The following PPARGC1B variants were observed in gnomAD, a reference collection of about 807,000 sequenced individuals.
PPARGC1B encodes the protein peroxisome proliferator-activated receptor gamma coactivator 1-beta.
Under a neutral mutation model 101.6 loss-of-function variants are expected in PPARGC1B, and 34 were observed. The observed-to-expected ratio is 0.33, with a 90% CI of 0.25 to 0.45. The LOEUF is 0.45. Ranked by LOEUF, PPARGC1B falls within the 20% of genes least tolerant of loss-of-function variation. PPARGC1B has a pLI of 1.00. For missense variants in PPARGC1B, 1,234 were observed against 1,317.6 expected, an observed-to-expected ratio of 0.94 and a Z score of 0.98; for synonymous variants, 548 against 539.3, an observed-to-expected ratio of 1.02 and a Z score of -0.22.
rs1210346207 is a variant in PPARGC1B at position 149,730,390 on chromosome 5, C to T, written c.48C>T (p.Ser16=). The T allele has an allele frequency of 1.3e-6, 2 of 1,574,680 alleles. No individual in the cohort carries two copies. Among genetic ancestry groups the T allele is most frequent in the Admixed American group, 1.8e-5 (1 of 55,510 alleles). Residue 16 remains serine, a synonymous_variant, in exon 1 of 12, where the codon TCC becomes TCT. Coordinates refer to ENST00000309241, the MANE Select transcript of PPARGC1B (RefSeq NM_133263.4). The surrounding 1 kb of genome is among the most constrained non-coding windows in gnomAD (Gnocchi z 4.0). ...CGCTGCTGGACGAAGAGCTCTCCTC[C>T]TTCTTCCTCAACTATCTCGCTGACA... is the stretch of plus-strand genomic sequence containing the variant. ...CGALLDEELS[S]FFLNYLADTQ...
In PPARGC1B at chr5:149,826,835, G is replaced by C. The variant is rs1162920062; in HGVS notation, c.415G>C (p.Ala139Pro). 9 of 1,613,704 alleles carry C rather than the reference G, an allele frequency of 5.6e-6. No individual in the cohort carries two copies. The Admixed American group carries it at 1.5e-4, about 27-fold the overall frequency. The change falls in exon 3 of 12, where the codon GCC becomes CCC. Residue 139 changes from alanine (A) to proline (P), a missense_variant. This residue lies in a region of PPARGC1B where 734 missense variants were observed against 768.4 expected (regional missense o/e 0.96). Transcript: ENST00000309241. Reference protein sequence around the residue: ...PAPSSAPPSPAPEKPSAPAPE... With the variant: ...PAPSSAPPSPPPEKPSAPAPE... ...CCCCTCATCTGCACCCCCCAGCCCT[G>C]CCCCGGAGAAGCCCTCGGCCCCAGC... is the stretch of plus-strand genomic sequence containing the variant.
chr5:149,754,542 A>C (rs775202403), intron 1 of PPARGC1B, among the ~76,000 whole-genome samples: 3 of 152,224 alleles, frequency 2.0e-5, no homozygotes, highest in Non-Finnish European at 4.4e-5. Context: ...GTCACAATAT[A>C]ATATCACATT....
At position 149,794,309 on chromosome 5, in the gene PPARGC1B, A is replaced by G. The variant is rs149104392; in HGVS notation, c.79-26124A>G. Reference sequence around the variant, plus strand: ...TTTCAGATTGTCTGGATTTCATAAAATTAGCAAGTGTTAAGGCCAAGACAA... The same window carrying G: ...TTTCAGATTGTCTGGATTTCATAAAGTTAGCAAGTGTTAAGGCCAAGACAA... On this transcript the variant is annotated intron_variant, in intron 1 of 11. Coordinates refer to ENST00000309241, the MANE Select transcript of PPARGC1B (RefSeq NM_133263.4). 6.3e-3 allele frequency among the ~76,000 whole-genome samples: 965 copies of G among 152,314 alleles called. 11 individuals carry two copies. Among genetic ancestry groups the G allele is most frequent in the African/African-American group, 0.022 (914 of 41,558 alleles).
At position 149,820,612 on chromosome 5, in the gene PPARGC1B, C is replaced by T. The variant is rs751130227; in HGVS notation, c.252+6C>T. 1 of 1,603,600 alleles carries T rather than the reference C, an allele frequency of 6.2e-7. No individual in the cohort carries two copies. Among genetic ancestry groups the T allele is most frequent in the Admixed American group, 1.7e-5 (1 of 59,898 alleles). On this transcript the variant is annotated splice_donor_region_variant and intron_variant, in intron 2 of 11. Coordinates refer to ENST00000309241, the MANE Select transcript of PPARGC1B (RefSeq NM_133263.4). ...ATGACTCCGAGCTCTTCCAGGTATG[C>T]CCTTTCCAGTCTCCCCTCCTCCCAC...
At chr5:149,766,189 TTTATGA>T (rs1236296471) in intron 1 of PPARGC1B, among the ~76,000 whole-genome samples, 108 of 152,350 alleles carry the variant, frequency 7.1e-4, no homozygotes, top group African/African-American at 1.0e-3. Context: ...TGTTTTTAAA[TTTATGA>T]TTATGATTAT....
At chr5:149,817,791 T>A in intron 1 of PPARGC1B, 3 of 456,772 alleles carry the variant, frequency 6.6e-6, no homozygotes, top group South Asian at 4.6e-5. Context: ...GAGTGTTCTC[T>A]CATTGTGGAA....
At chr5:149,841,381 G>C (rs1020940591) in intron 9 of PPARGC1B, among the ~76,000 whole-genome samples, 2 of 152,168 alleles carry the variant, frequency 1.3e-5, no homozygotes, top group Non-Finnish European at 2.9e-5. Context: ...CTTGGACATC[G>C]TATGTTGTGG....
intron 3 of PPARGC1B, among the ~76,000 whole-genome samples, chr5:149,830,030 C>CAAAAAAAAAAAAAAAAAAAAA (rs60711433): frequency 1.2e-4 from 4 of 34,268 alleles, no homozygotes; most frequent in African/African-American, 1.8e-4. Flanking sequence ...GACTGCATCT[C>CAAAAAAAAAAAAAAAAAAAAA]AAAAAAAAAA....
At chr5:149,800,205 A>T (rs1757385800) in intron 1 of PPARGC1B, among the ~76,000 whole-genome samples, 1 of 152,060 alleles carries the variant, frequency 6.6e-6, no homozygotes, top group African/African-American at 2.4e-5. Context: ...GTACCTATCT[A>T]TGCATCATAA....
At chr5:149,757,607 G>T (rs1327384931) in intron 1 of PPARGC1B, among the ~76,000 whole-genome samples, 1 of 152,216 alleles carries the variant, frequency 6.6e-6, no homozygotes, top group East Asian at 1.9e-4. Flanking sequence ...CCAGCTAATA[G>T]TGTCAGCGTC....
In PPARGC1B at chr5:149,839,917, T is replaced by TC. The variant is rs1418898256; in HGVS notation, c.2619-122dup. 18 of 963,480 alleles carry TC rather than the reference T, an allele frequency of 1.9e-5. No homozygotes were observed. The Admixed American group carries it at 3.4e-4, about 18-fold the overall frequency. 59.7% of individuals were successfully genotyped at this position (963,480 alleles called of 1,614,324 possible). ...AAGCTAGGTTTCTGCGGGAGGCAGT[T>TC]CCAGCTGTGTGCCCTCGTGAACAAA... On this transcript the variant is annotated intron_variant, in intron 8 of 11. Transcript: ENST00000309241.
intron 1 of PPARGC1B, among the ~76,000 whole-genome samples, chr5:149,779,855 G>A (rs1756529436): frequency 6.6e-6 from 1 of 152,202 alleles, no homozygotes; most frequent in African/African-American, 2.4e-5. Flanking sequence ...GGGATGCAGG[G>A]AGAGGCTTAG....
intron 1 of PPARGC1B, among the ~76,000 whole-genome samples, chr5:149,778,278 G>A (rs1756469368): frequency 6.6e-6 from 1 of 151,988 alleles, no homozygotes; most frequent in Admixed American, 6.6e-5. Flanking sequence ...TGGTGAGGAG[G>A]CCTGGGTTCC....
rs1186181167 is a variant in PPARGC1B at position 149,832,770 on chromosome 5, C to G, written c.697C>G (p.Gln233Glu). Reference protein sequence around the residue: ...AQCCLQDRGLQPPCLQSPRLP... With the variant: ...AQCCLQDRGLEPPCLQSPRLP... ...GTGCTGCCTGCAGGATCGGGGTCTG[C>G]AGCCACCATGCCTCCAGAGTCCCCG... The change falls in exon 5 of 12, where the codon CAG becomes GAG. Residue 233 changes from glutamine to glutamate, a missense_variant. Physicochemically the swap from Gln to Glu is conservative, Grantham distance 29. This residue lies in a region of PPARGC1B where 734 missense variants were observed against 768.4 expected (regional missense o/e 0.96). Transcript: ENST00000309241. The surrounding 1 kb of genome is among the most constrained non-coding windows in gnomAD (Gnocchi z 4.9). 6.2e-7 allele frequency: 1 copy of G among 1,613,036 alleles called. No individual in the cohort carries two copies. Among genetic ancestry groups the G allele is most frequent in the Admixed American group, 1.7e-5 (1 of 59,976 alleles).
At chr5:149,778,865 C>G (rs1756491448) in intron 1 of PPARGC1B, among the ~76,000 whole-genome samples, 1 of 152,164 alleles carries the variant, frequency 6.6e-6, no homozygotes, top group African/African-American at 2.4e-5. Flanking sequence ...AAACCATCCT[C>G]TTTTTTCCAG....
intron 1 of PPARGC1B, among the ~76,000 whole-genome samples, chr5:149,746,433 T>TA (rs1755092593): frequency 6.6e-6 from 1 of 152,252 alleles, no homozygotes; most frequent in Non-Finnish European, 1.5e-5. Flanking sequence ...ATGTCAGGAT[T>TA]TCCTTCCTTT....
At position 149,778,094 on chromosome 5, in the gene PPARGC1B, CACACACACACACACACAG is replaced by C. The variant is rs1365130133; in HGVS notation, c.79-42337_79-42320del. 2.4e-3 allele frequency among the ~76,000 whole-genome samples: 317 copies of C among 130,802 alleles called. 35 individuals carry two copies. Among genetic ancestry groups the C allele is most frequent in the Non-Finnish European group, 2.2e-3 (134 of 61,280 alleles). The allele number at this position is 130,802 out of a possible 152,430, so 85.8% of individuals were successfully genotyped here. ...ACACACACACACACACACACACACA[CACACACACACACACACAG>C]AGTACCCAGCTGCTCACATTCCATG... On this transcript the variant is annotated intron_variant, in intron 1 of 11. Coordinates refer to ENST00000309241, the MANE Select transcript of PPARGC1B (RefSeq NM_133263.4).
At chr5:149,789,357 T>G (rs1403748698) in intron 1 of PPARGC1B, among the ~76,000 whole-genome samples, 2 of 152,218 alleles carry the variant, frequency 1.3e-5, no homozygotes, top group East Asian at 1.9e-4. Context: ...CAGACTTATG[T>G]ACACAGGTTG....
chr5:149,735,408 A>G (rs1347446413), intron 1 of PPARGC1B, among the ~76,000 whole-genome samples: 1 of 152,214 alleles, frequency 6.6e-6, no homozygotes, highest in Non-Finnish European at 1.5e-5. Flanking sequence ...ATAATAGAAG[A>G]AAGACTGGCT....
Sources: gnomAD v4.1 joint callset for allele counts (sites outside exome capture counted in the v4.1 genomes callset) on GRCh38, gnomAD v4.1.1 for gene constraint, gnomAD v4.1.1 regional missense constraint, Gnocchi (gnomAD v3.1) non-coding constraint, MANE v1.5 for transcripts, NCBI Gene and HGNC (gene_info 2026-07-23, HGNC 2026-07-21) for gene names.